Variants in SMAP1 observed in about 807,000 individuals in gnomAD.
SMAP1 encodes the protein small ArfGAP 1, also known as stromal membrane-associated protein 1.
A neutral mutation model predicts 58.5 loss-of-function variants in SMAP1; 24 were observed. The observed-to-expected ratio is 0.41, with a 90% CI of 0.30 to 0.58. The LOEUF (loss-of-function observed/expected upper bound fraction) is 0.58, where lower values mean the gene tolerates loss of function less well. SMAP1 is among the 20% of genes least tolerant of loss of function. The pLI is 0.29. For missense variants in SMAP1, 563 were observed against 566.3 expected, an observed-to-expected ratio of 0.99 and a Z score of 0.06; for synonymous variants, 216 against 196.6, an observed-to-expected ratio of 1.10 and a Z score of -0.82.
At chr6:70,785,343 A>G (rs949753577) in intron 4 of SMAP1, among the ~76,000 whole-genome samples, 2 of 152,228 alleles carry the variant, frequency 1.3e-5, no homozygotes, top group African/African-American at 4.8e-5. Context: ...TGCCCACAAG[A>G]GAAAGCAGGA....
At chr6:70,850,264 T>G (rs2150008080) in intron 7 of SMAP1, among the ~76,000 whole-genome samples, 1 of 152,294 alleles carries the variant, frequency 6.6e-6, no homozygotes, top group African/African-American at 2.4e-5. Context: ...TAGACTGACA[T>G]GTGCTGTGGT....
At chr6:70,768,211 C>A (rs1173846878) in intron 3 of SMAP1, among the ~76,000 whole-genome samples, 1 of 152,090 alleles carries the variant, frequency 6.6e-6, no homozygotes, top group African/African-American at 2.4e-5. Context: ...CTAAAATTCT[C>A]TTTTTTGGTT....
chr6:70,740,243 C>T (rs538259108), intron 2 of SMAP1, among the ~76,000 whole-genome samples: 117 of 152,170 alleles, frequency 7.7e-4, no homozygotes, highest in African/African-American at 2.6e-3. Context: ...CTCCCTCTTC[C>T]GTTGTTTTCA....
At chr6:70,729,025 A>G (rs1340224190) in intron 1 of SMAP1, among the ~76,000 whole-genome samples, 2 of 151,952 alleles carry the variant, frequency 1.3e-5, no homozygotes, top group Non-Finnish European at 2.9e-5. Flanking sequence ...CCTGTTTTTG[A>G]AAACAGCTTT....
chr6:70,836,874 A>G, intron 6 of SMAP1, 67 bp from the exon 7 acceptor site: 1 of 1,293,268 alleles, frequency 7.7e-7, no homozygotes, highest in East Asian at 2.6e-5. Flanking sequence ...CCTGTAATTA[A>G]TTGGGGCTTA....
rs576929535 is a variant in SMAP1, at chr6:70,818,133, A to G, written c.577-18808A>G. 1.5e-3 allele frequency among the ~76,000 whole-genome samples: 228 copies of G among 152,122 alleles called. 1 individual carries two copies. The highest frequency in any genetic ancestry group is 5.3e-3 in the African/African-American group (219 of 41,510). ...TTCTGGAGTGTATCAAATCTTCTTT[A>G]TAATGAAAACCTAACTTTGGGAGGT... is the stretch of plus-strand genomic sequence containing the variant. On this transcript the variant is annotated intron_variant, in intron 6 of 10. Coordinates refer to ENST00000370455, the MANE Select transcript of SMAP1 (RefSeq NM_001044305.3).
At chr6:70,849,172 T>C (rs1428900402) in intron 7 of SMAP1, among the ~76,000 whole-genome samples, 1 of 151,978 alleles carries the variant, frequency 6.6e-6, no homozygotes, top group Non-Finnish European at 1.5e-5. Flanking sequence ...TTACCTCAGG[T>C]TTTTGGGGGG....
In SMAP1 at chr6:70,773,352, C is replaced by T. The variant is rs754463730; in HGVS notation, c.341C>T (p.Ala114Val). The change falls in exon 4 of 11, where the codon GCA (alanine) becomes GTA (valine). Residue 114 changes from alanine (A) to valine (V), a missense_variant and splice_region_variant. By Grantham distance (64) the Ala-to-Val change is moderately conservative (BLOSUM62 0). Coordinates refer to ENST00000370455, the MANE Select transcript of SMAP1 (RefSeq NM_001044305.3). The part of the protein sequence containing the change: ...ENFRRPQTDQ[A>V]VEFFIRDKYE... The stretch of plus-strand genomic sequence containing the variant: ...TTCCTTAAGTTATCTGTTTTCAGAG[C>T]AGTGGAATTTTTCATCAGAGATAAA... 1.3e-6 allele frequency: 2 copies of T among 1,559,086 alleles called. No homozygotes were observed. Among genetic ancestry groups the T allele is most frequent in the Non-Finnish European group, 1.8e-6 (2 of 1,137,912 alleles).
chr6:70,732,726 A>G (rs1255441006), intron 2 of SMAP1, among the ~76,000 whole-genome samples: 2 of 152,206 alleles, frequency 1.3e-5, no homozygotes, highest in Non-Finnish European at 2.9e-5. Context: ...TATACTTTCT[A>G]AAATGTTGAT....
intron 6 of SMAP1, among the ~76,000 whole-genome samples, chr6:70,823,123 T>C (rs569676246): frequency 6.6e-6 from 1 of 152,344 alleles, no homozygotes; most frequent in South Asian, 2.1e-4. Flanking sequence ...CTGCCATAAT[T>C]GAGTATGGCT....
At chr6:70,840,707 T>C (rs1562197213) in intron 7 of SMAP1, among the ~76,000 whole-genome samples, 2 of 152,230 alleles carry the variant, frequency 1.3e-5, no homozygotes, top group African/African-American at 2.4e-5. Context: ...TTGAAAGCTA[T>C]AGGACTACTA....
At chr6:70,800,652 G>A (rs1454208074) in intron 6 of SMAP1, among the ~76,000 whole-genome samples, 1 of 152,104 alleles carries the variant, frequency 6.6e-6, no homozygotes, top group East Asian at 1.9e-4. Context: ...ATCTCCTAAT[G>A]CTGTCCCTCC....
chr6:70,686,721 C>T (rs1562092850), intron 1 of SMAP1, among the ~76,000 whole-genome samples: 1 of 152,134 alleles, frequency 6.6e-6, no homozygotes, highest in African/African-American at 2.4e-5. Flanking sequence ...GGTTTTATAA[C>T]ATATATCTGC....
chr6:70,684,253 A>T (rs1228688370), intron 1 of SMAP1, among the ~76,000 whole-genome samples: 1 of 152,232 alleles, frequency 6.6e-6, no homozygotes, highest in Non-Finnish European at 1.5e-5. Flanking sequence ...AATAGCGTGG[A>T]AATAAGAGGT....
chr6:70,806,265 T>C (rs1465361678), intron 6 of SMAP1, among the ~76,000 whole-genome samples: 4 of 152,342 alleles, frequency 2.6e-5, no homozygotes, highest in South Asian at 4.1e-4. Flanking sequence ...GATCTCAGAC[T>C]GCTGCGCTAG....
intron 6 of SMAP1, among the ~76,000 whole-genome samples, chr6:70,833,927 A>G (rs1770464951): frequency 1.3e-5 from 2 of 152,200 alleles, no homozygotes; most frequent in South Asian, 2.1e-4. Context: ...ACAGCTATAT[A>G]TATGTTCTCA....
At chr6:70,669,111 T>C (rs1331659693) in intron 1 of SMAP1, among the ~76,000 whole-genome samples, 2 of 152,178 alleles carry the variant, frequency 1.3e-5, no homozygotes, top group East Asian at 1.9e-4. Flanking sequence ...GGGAAATATT[T>C]CTTTTTTTTT....
intron 3 of SMAP1, among the ~76,000 whole-genome samples, chr6:70,762,647 T>C (rs1766800815): frequency 6.6e-6 from 1 of 152,152 alleles, no homozygotes; most frequent in African/African-American, 2.4e-5. Flanking sequence ...TTGGATTGCC[T>C]TTTAAAAAGT....
At chr6:70,716,685 A>G (rs149182957) in intron 1 of SMAP1, among the ~76,000 whole-genome samples, 172 of 152,050 alleles carry the variant, frequency 1.1e-3, no homozygotes, top group African/African-American at 4.0e-3. Flanking sequence ...TGGTTCAGTT[A>G]TTATATTTTT....
Sources: allele counts gnomAD v4.1 joint callset (sites outside exome capture counted in the v4.1 genomes callset), GRCh38; gene constraint gnomAD v4.1.1; transcripts MANE v1.5; gene names NCBI Gene and HGNC (gene_info 2026-07-23, HGNC 2026-07-21).